LRRC7: variants seen among roughly 807,000 people sequenced by gnomAD.
The protein encoded by LRRC7 is leucine-rich repeat-containing protein 7.
LRRC7 carries 23 observed loss-of-function variants against 175.7 expected under a neutral mutation model. The observed-to-expected ratio is 0.13, with a 90% CI of 0.09 to 0.19. The LOEUF is 0.19. Among genes scored for constraint, LRRC7 ranks in the 10% least tolerant of loss-of-function variants. LRRC7 has a pLI of 1.00. For synonymous variants in LRRC7, 685 were observed against 680.9 expected (o/e 1.01, Z -0.09); for missense variants, 1,354 against 1,904.7 (o/e 0.71, Z 5.38).
chr1:69,590,096 T>C (rs72936514), intron 1 of LRRC7, among the ~76,000 whole-genome samples: 3,748 of 152,248 alleles, frequency 0.025, 136 homozygotes, highest in African/African-American at 0.085. Flanking sequence ...CCATGAAATA[T>C]CTACAAATAT....
At chr1:70,021,730 T>C (rs2101976183) in intron 16 of LRRC7, among the ~76,000 whole-genome samples, 1 of 152,296 alleles carries the variant, frequency 6.6e-6, no homozygotes, top group East Asian at 1.9e-4. Flanking sequence ...AAAAGATCTT[T>C]TATAGGGACT....
intron 1 of LRRC7, among the ~76,000 whole-genome samples, chr1:69,656,085 G>A (rs747918254): frequency 1.4e-4 from 21 of 151,798 alleles, no homozygotes; most frequent in Non-Finnish European, 2.7e-4. Context: ...ACAATAAGTG[G>A]TTATTTAATT....
Position 69,963,319 on chromosome 1 carries a change from AG to A in LRRC7, c.712-17059del, listed in dbSNP as rs1487697021. Reference sequence around the variant, plus strand: ...AGACACCGTCTCAAAAAAAAAAAAAAGAAAGAAAGAAACAAAGAAAAAGAAA... The same window carrying A: ...AGACACCGTCTCAAAAAAAAAAAAAAAAAGAAAGAAACAAAGAAAAAGAAA... On this transcript the variant is annotated intron_variant, in intron 8 of 26. Coordinates refer to ENST00000651989, the MANE Select transcript of LRRC7 (RefSeq NM_001370785.2). 3.5e-3 allele frequency among the ~76,000 whole-genome samples: 458 copies of A among 131,842 alleles called. 3 individuals carry two copies. Among genetic ancestry groups the A allele is most frequent in the African/African-American group, 0.012 (395 of 34,316 alleles). The allele number at this position is 131,842 out of a possible 152,430, so 86.5% of individuals were successfully genotyped here.
At chr1:69,834,515 G>C (rs1311439522) in intron 5 of LRRC7, among the ~76,000 whole-genome samples, 2 of 152,114 alleles carry the variant, frequency 1.3e-5, no homozygotes, top group Non-Finnish European at 2.9e-5. Flanking sequence ...CCAGCAATAA[G>C]AGATGATGTT....
Position 70,121,774 on chromosome 1 carries a change from T to C in LRRC7, c.4621-6T>C, listed in dbSNP as rs1255003992. ...TGATTGCCCTGTTTTATTTGTGTATTTACAGGCAAATGGACACAGTTTTGT... is the reference window on the plus strand; with the variant it reads ...TGATTGCCCTGTTTTATTTGTGTATCTACAGGCAAATGGACACAGTTTTGT... On this transcript the variant is annotated splice_polypyrimidine_tract_variant and splice_region_variant and intron_variant, in intron 26 of 26. Transcript: ENST00000651989. 1.9e-6 allele frequency: 3 copies of C among 1,581,154 alleles called. No homozygotes were observed. Among genetic ancestry groups the C allele is most frequent in the Non-Finnish European group, 2.6e-6 (3 of 1,152,900 alleles).
chr1:69,631,757 A>G (rs1282310675), intron 1 of LRRC7, among the ~76,000 whole-genome samples: 1 of 152,106 alleles, frequency 6.6e-6, no homozygotes, highest in Non-Finnish European at 1.5e-5. Context: ...CACTTTTCCT[A>G]AAAGCCCGAT....
intron 1 of LRRC7, among the ~76,000 whole-genome samples, chr1:69,591,860 G>C (rs531921715): frequency 6.6e-5 from 10 of 151,976 alleles, no homozygotes; most frequent in African/African-American, 2.4e-4. Flanking sequence ...TTGGTCTACT[G>C]TTTTACCTCA....
At chr1:69,720,443 T>G (rs1417446) in intron 2 of LRRC7, among the ~76,000 whole-genome samples, 66,401 of 151,220 alleles carry the variant, frequency 0.44, 14,831 homozygotes, top group Admixed American at 0.5. Flanking sequence ...GTTTAAGGAT[T>G]ACTTAGAACC....
rs1236131260 is a variant in LRRC7, at chr1:70,039,635, T to C, written c.3811T>C (p.Ser1271Pro). The change falls in exon 21 of 27, where the codon TCT becomes CCT. Residue 1271 changes from serine to proline, a missense_variant. By Grantham distance (74) the Ser-to-Pro change is moderately conservative. Transcript: ENST00000651989. ...TMAALLEKIPSDYNLGNYGDK... is the reference protein window; with the variant it reads ...TMAALLEKIPPDYNLGNYGDK... The stretch of plus-strand genomic sequence containing the variant: ...GGCAGCTCTTTTGGAAAAAATACCA[T>C]CTGACTATAACTTGGGTAACTATGG... 4 of 1,613,986 alleles carry C rather than the reference T, an allele frequency of 2.5e-6. No individual in the cohort carries two copies. Among genetic ancestry groups the C allele is most frequent in the Admixed American group, 3.3e-5 (2 of 60,004 alleles).
intron 21 of LRRC7, among the ~76,000 whole-genome samples, chr1:70,041,504 C>G (rs892491593): frequency 2.6e-5 from 4 of 152,182 alleles, no homozygotes; most frequent in Non-Finnish European, 5.9e-5. Context: ...TGTCACCATG[C>G]CTTACCTCAA....
intron 1 of LRRC7, among the ~76,000 whole-genome samples, chr1:69,661,883 C>T (rs1190296497): frequency 1.3e-5 from 2 of 152,138 alleles, no homozygotes; most frequent in Admixed American, 1.3e-4. Flanking sequence ...GCATGCTTTT[C>T]TTACAAAAGC....
At chr1:69,752,477 G>T (rs1669945060) in intron 2 of LRRC7, among the ~76,000 whole-genome samples, 1 of 152,086 alleles carries the variant, frequency 6.6e-6, no homozygotes, top group Non-Finnish European at 1.5e-5. Context: ...CATAAGTATT[G>T]AAAGTTGAAT....
intron 7 of LRRC7, among the ~76,000 whole-genome samples, chr1:69,928,244 G>T (rs889699132): frequency 1.1e-4 from 17 of 152,124 alleles, no homozygotes; most frequent in African/African-American, 3.4e-4. Flanking sequence ...TAGGCTGCTC[G>T]GGGGTCAGGA....
intron 7 of LRRC7, among the ~76,000 whole-genome samples, chr1:69,900,645 G>T (rs1220912238): frequency 6.6e-6 from 1 of 152,110 alleles, no homozygotes; most frequent in Admixed American, 6.6e-5. Context: ...TACTGGTTGA[G>T]CATCACTAAT....
At chr1:70,092,921 G>C (rs1373368751) in intron 25 of LRRC7, among the ~76,000 whole-genome samples, 1 of 152,082 alleles carries the variant, frequency 6.6e-6, no homozygotes, top group African/African-American at 2.4e-5. Context: ...AGGTAGTCTT[G>C]ATCAAATATT....
chr1:69,760,513 A>C, intron 3 of LRRC7, 120 bp downstream of exon 3: 1 of 801,680 alleles, frequency 1.2e-6, no homozygotes, highest in Non-Finnish European at 2.0e-6. Context: ...AGTCATTGAA[A>C]TTGATATAAC....
At chr1:70,061,343 C>G (rs1222685142) in intron 23 of LRRC7, among the ~76,000 whole-genome samples, 1 of 152,082 alleles carries the variant, frequency 6.6e-6, no homozygotes, top group Non-Finnish European at 1.5e-5. Context: ...GATGGAGATT[C>G]TCTGTTTCCC....
intron 4 of LRRC7, among the ~76,000 whole-genome samples, chr1:69,800,526 G>T (rs1264388454): frequency 2.0e-5 from 3 of 151,814 alleles, no homozygotes; most frequent in Non-Finnish European, 4.4e-5. Context: ...TTGCTTTCCT[G>T]ATTTGTTTCT....
intron 8 of LRRC7, among the ~76,000 whole-genome samples, chr1:69,953,905 T>A (rs1650216799): frequency 6.6e-6 from 1 of 152,114 alleles, no homozygotes; most frequent in Non-Finnish European, 1.5e-5. Context: ...TCTAGATGAT[T>A]CTTATCTGAT....
Sources: allele counts gnomAD v4.1 joint callset (sites outside exome capture counted in the v4.1 genomes callset), GRCh38; gene constraint gnomAD v4.1.1; transcripts MANE v1.5; gene names NCBI Gene and HGNC (gene_info 2026-07-23, HGNC 2026-07-21).